Variants in MARCHF3 observed in about 807,000 individuals in gnomAD.
The protein encoded by MARCHF3 is membrane associated ring-CH-type finger 3.
In MARCHF3, 13 loss-of-function variants were observed where a neutral mutation model predicts 24.2. That is an observed-to-expected ratio of 0.54 (90% confidence interval 0.35 to 0.85). MARCHF3 has a LOEUF of 0.85. MARCHF3 is among the 40% of genes least tolerant of loss of function. The pLI is 0.01. For synonymous variants in MARCHF3, 144 were observed against 137.3 expected (o/e 1.05, Z -0.34); for missense variants, 276 against 325.0 (o/e 0.85, Z 1.16).
At chr5:126,976,931 C>T (rs893533692) in intron 1 of MARCHF3, among the ~76,000 whole-genome samples, 4 of 152,232 alleles carry the variant, frequency 2.6e-5, no homozygotes, top group Non-Finnish European at 5.9e-5. Flanking sequence ...TCCCATCCTC[C>T]AAGACAATTC....
At position 126,940,880 on chromosome 5, in the gene MARCHF3, G is replaced by T. The variant is rs527660215; in HGVS notation, c.-56-22653C>A. Among the ~76,000 whole-genome samples the T allele has an allele frequency of 2.6e-5, 4 of 152,142 alleles. No individual in the cohort carries two copies. In the South Asian group the frequency reaches 8.3e-4, roughly 32 times the overall value. On this transcript the variant is annotated intron_variant, in intron 1 of 4. Coordinates refer to ENST00000308660, the MANE Select transcript of MARCHF3 (RefSeq NM_178450.5). ...ATGTTTTGAAACAAGCATGCAATGT[G>T]AAATAACCACATCATGGACAATGGG...
In MARCHF3 at chr5:126,869,991, CTG is replaced by C. The variant is rs752326658; in HGVS notation, c.*640_*641del. Reference sequence around the variant, plus strand: ...TAATGATATTTAAATAAACAGCTCACTGTGTGAGCTCACGCCCTTTTTCCCTT... The same window carrying C: ...TAATGATATTTAAATAAACAGCTCACTGTGAGCTCACGCCCTTTTTCCCTT... On this transcript the variant is annotated 3_prime_UTR_variant, in exon 5 of 5. Coordinates refer to ENST00000308660, the MANE Select transcript of MARCHF3 (RefSeq NM_178450.5). 4.1e-5 allele frequency: 6 copies of C among 146,190 alleles called. No individual in the cohort carries two copies. Among genetic ancestry groups the C allele is most frequent in the African/African-American group, 1.6e-4 (6 of 36,372 alleles). The allele number at this position is 146,190 out of a possible 1,614,324, so 9.1% of individuals were successfully genotyped here. A position where few individuals can be genotyped will look rare whatever the true frequency, so the allele number is the denominator to read the frequency against.
At position 126,914,879 on chromosome 5, in the gene MARCHF3, C is replaced by A. The variant is rs1216419751; in HGVS notation, c.393+51G>T. ...CTTGTGATCCAGGCATAAAAACAGACATCATTTGCTCATTAGAGCTAAGTT... is the reference window on the plus strand; with the variant it reads ...CTTGTGATCCAGGCATAAAAACAGAAATCATTTGCTCATTAGAGCTAAGTT... On this transcript the variant is annotated intron_variant, in intron 3 of 4. Transcript: ENST00000308660. 6 of 1,582,944 alleles carry A rather than the reference C, an allele frequency of 3.8e-6. No individual in the cohort carries two copies. The South Asian group carries it at 6.7e-5, about 18-fold the overall frequency.
intron 1 of MARCHF3, among the ~76,000 whole-genome samples, chr5:126,931,007 TGGGAAATCGAGATGC>T (rs1194470762): frequency 6.6e-6 from 1 of 152,236 alleles, no homozygotes; most frequent in African/African-American, 2.4e-5. Flanking sequence ...ATGTGTATTT[TGGGAAATCGAGATGC>T]TCATGTGCCC....
intron 1 of MARCHF3, among the ~76,000 whole-genome samples, chr5:126,954,519 T>C (rs1750369039): frequency 6.6e-6 from 1 of 151,740 alleles, no homozygotes; most frequent in Non-Finnish European, 1.5e-5. Context: ...TGCAGGTATG[T>C]GCCACCATGC....
intron 1 of MARCHF3, among the ~76,000 whole-genome samples, chr5:126,962,266 T>G (rs1750664337): frequency 1.3e-5 from 2 of 152,086 alleles, no homozygotes; most frequent in African/African-American, 2.4e-5. Context: ...CTCTGCAGAT[T>G]GATTTTGAAA....
At chr5:126,979,948 C>CAA (rs757849978) in intron 1 of MARCHF3, among the ~76,000 whole-genome samples, 1,424 of 43,296 alleles carry the variant, frequency 0.033, 46 homozygotes, top group East Asian at 0.12. Flanking sequence ...AACTCCATCT[C>CAA]AAAAAAAAAA....
At position 126,870,629 on chromosome 5, in the gene MARCHF3, A is replaced by T. The variant is rs775401855; in HGVS notation, c.*4T>A. 1.9e-6 allele frequency: 3 copies of T among 1,613,902 alleles called. No individual in the cohort carries two copies. Among genetic ancestry groups the T allele is most frequent in the Middle Eastern group, 3.3e-4 (2 of 6,018 alleles). ...AATCAAACAACCAACCAACCATACA[A>T]ACATCAAACAACTGTCTCCTTTGAG... On this transcript the variant is annotated 3_prime_UTR_variant, in exon 5 of 5. Coordinates refer to ENST00000308660, the MANE Select transcript of MARCHF3 (RefSeq NM_178450.5).
intron 1 of MARCHF3, among the ~76,000 whole-genome samples, chr5:126,999,585 G>A (rs1046253597): frequency 6.6e-6 from 1 of 152,206 alleles, no homozygotes; most frequent in Non-Finnish European, 1.5e-5. Flanking sequence ...TTGCATTGCA[G>A]TAATGTCTCT....
intron 4 of MARCHF3, 111 bp downstream of exon 4, chr5:126,878,074 C>G: frequency 9.8e-7 from 1 of 1,017,588 alleles, no homozygotes; most frequent in Non-Finnish European, 1.5e-6. Flanking sequence ...AATCGAAGGT[C>G]TGTTTTCTAC....
At chr5:127,015,782 T>C (rs1430531627) in intron 1 of MARCHF3, among the ~76,000 whole-genome samples, 1 of 152,192 alleles carries the variant, frequency 6.6e-6, no homozygotes, top group African/African-American at 2.4e-5. Context: ...TTACCCTTGG[T>C]CAACCATGGC....
intron 1 of MARCHF3, among the ~76,000 whole-genome samples, chr5:127,004,255 C>T (rs891919861): frequency 2.6e-5 from 4 of 152,222 alleles, no homozygotes; most frequent in South Asian, 2.1e-4. Flanking sequence ...GGCTGCAAAA[C>T]GGGGCTGTGC....
At chr5:126,916,018 T>C (rs1490736822) in intron 2 of MARCHF3, among the ~76,000 whole-genome samples, 3 of 152,234 alleles carry the variant, frequency 2.0e-5, no homozygotes, top group Non-Finnish European at 2.9e-5. Context: ...TGTGAAAAGA[T>C]AGCCCAGATT....
At chr5:126,872,734 G>C (rs1487713594) in intron 4 of MARCHF3, among the ~76,000 whole-genome samples, 1 of 152,220 alleles carries the variant, frequency 6.6e-6, no homozygotes, top group Non-Finnish European at 1.5e-5. Flanking sequence ...TCTGAGGCTA[G>C]AAAGCAGATG....
chr5:126,943,200 A>G (rs1749890163), intron 1 of MARCHF3, among the ~76,000 whole-genome samples: 1 of 152,192 alleles, frequency 6.6e-6, no homozygotes. Flanking sequence ...AGGCTGAGTC[A>G]GAAGAATCAC....
At chr5:127,003,568 G>A (rs558599376) in intron 1 of MARCHF3, among the ~76,000 whole-genome samples, 3 of 151,172 alleles carry the variant, frequency 2.0e-5, no homozygotes, top group East Asian at 2.0e-4. Context: ...TGTCTAACAC[G>A]GTGAAACCCC....
chr5:126,888,922 G>A (rs925699926), intron 3 of MARCHF3, among the ~76,000 whole-genome samples: 4 of 152,082 alleles, frequency 2.6e-5, no homozygotes, highest in African/African-American at 9.7e-5. Flanking sequence ...GCACCACCAC[G>A]CCCGGGTAAT....
chr5:126,916,684 G>GACACACACACACAC (rs1409013068), intron 2 of MARCHF3, among the ~76,000 whole-genome samples: 126 of 93,482 alleles, frequency 1.3e-3, no homozygotes, highest in African/African-American at 5.7e-3. Context: ...CTGACAGACA[G>GACACACACACACAC]ACAGACAGAC....
chr5:126,890,496 T>C (rs1367596444), intron 3 of MARCHF3, among the ~76,000 whole-genome samples: 1 of 143,392 alleles, frequency 7.0e-6, no homozygotes, highest in Non-Finnish European at 1.5e-5. Context: ...GTCCATGTGA[T>C]CTCATTGTTC....
Sources: allele counts gnomAD v4.1 joint callset (sites outside exome capture counted in the v4.1 genomes callset), GRCh38; gene constraint gnomAD v4.1.1; transcripts MANE v1.5; gene names NCBI Gene and HGNC (gene_info 2026-07-23, HGNC 2026-07-21).